The following NRK variants were observed in gnomAD, a reference collection of about 807,000 sequenced individuals.
NRK encodes the protein Nik related kinase.
NRK carries 67 observed loss-of-function variants against 125.2 expected under a neutral mutation model. The observed-to-expected ratio is 0.54, with a 90% CI of 0.44 to 0.66. NRK has a LOEUF of 0.66. Among genes scored for constraint, NRK ranks in the 30% least tolerant of loss-of-function variants. NRK has a pLI of 0.00. For missense variants in NRK, 1,224 were observed against 1,192.9 expected (o/e 1.03, Z -0.38); for synonymous variants, 458 against 429.0 (o/e 1.07, Z -0.84).
intron 23 of NRK, among the ~76,000 whole-genome samples, chrX:105,943,705 C>G (rs2040775671): frequency 8.9e-6 from 1 of 111,803 alleles, no homozygotes; most frequent in South Asian, 3.8e-4. Context: ...TTTCTTTCAT[C>G]AATGTTTTGG....
intron 9 of NRK, among the ~76,000 whole-genome samples, chrX:105,901,832 C>T (rs193218486): frequency 1.7e-4 from 19 of 110,535 alleles, no homozygotes; most frequent in African/African-American, 4.9e-4. Flanking sequence ...AGATTACATA[C>T]GACACATATA....
chrX:105,912,947 A>C (rs2040321015), intron 14 of NRK, among the ~76,000 whole-genome samples, 192 bp downstream of exon 14: 1 of 112,280 alleles, frequency 8.9e-6, no homozygotes, highest in South Asian at 3.6e-4. Context: ...TTAAAATATT[A>C]GTTCATTTAA....
chrX:105,841,278 G>A (rs1465299372), intron 2 of NRK, among the ~76,000 whole-genome samples: 3 of 111,435 alleles, frequency 2.7e-5, no homozygotes, highest in Non-Finnish European at 5.7e-5. Context: ...CAGCTTATCA[G>A]TAAGACTAAA....
intron 2 of NRK, among the ~76,000 whole-genome samples, chrX:105,873,601 G>A (rs1461292994): frequency 9.0e-6 from 1 of 111,717 alleles, no homozygotes; most frequent in African/African-American, 3.3e-5. Context: ...AAAAACAGGT[G>A]CACTCTTGCA....
chrX:105,949,531 GA>G lies in NRK; in HGVS notation c.4354-43del, dbSNP rs1228197466. On this transcript the variant is annotated intron_variant, in intron 26 of 28. Transcript: ENST00000243300. ...AAGCTGCTTCGATTAAAGTAGTAGT[GA>G]TAAAATATTGGACATATAAATCTTT... is the stretch of plus-strand genomic sequence containing the variant. 3.8e-6 allele frequency: 4 copies of G among 1,063,307 alleles called. No individual in the cohort carries two copies. The African/African-American group carries it at 7.4e-5, about 20-fold the overall frequency. The allele number at this position is 1,063,307 out of a possible 1,213,427, so 87.6% of individuals were successfully genotyped here.
At position 105,944,187 on chromosome X, in the gene NRK, T is replaced by C. The variant is rs2040783409; in HGVS notation, c.4059+146T>C. ...ATTTTGTTGTTAGTTTGCTTGCTTG[T>C]TTGTTTGTTTATTTTTTAGATACAG... On this transcript the variant is annotated intron_variant, in intron 24 of 28. Coordinates refer to ENST00000243300, the MANE Select transcript of NRK (RefSeq NM_198465.4). 2.5e-5 allele frequency: 10 copies of C among 398,516 alleles called. No homozygotes were observed. The East Asian group carries it at 4.3e-4, about 17-fold the overall frequency. The allele number at this position is 398,516 out of a possible 1,213,427, so 32.8% of individuals were successfully genotyped here. A position where few individuals can be genotyped will look rare whatever the true frequency, so the allele number is the denominator to read the frequency against.
chrX:105,913,131 A>G (rs1255351566), intron 14 of NRK, among the ~76,000 whole-genome samples: 1 of 111,786 alleles, frequency 8.9e-6, no homozygotes, highest in Non-Finnish European at 1.9e-5. Flanking sequence ...TCTGCATTCA[A>G]TCTGTTGCCA....
chrX:105,891,868 A>C (rs2147723141), intron 5 of NRK, among the ~76,000 whole-genome samples: 1 of 112,014 alleles, frequency 8.9e-6, no homozygotes, highest in South Asian at 3.7e-4. Context: ...ATTCCAGTTG[A>C]GATTTTAGTA....
In NRK at chrX:105,958,311, C is replaced by T. The variant is rs780161380; in HGVS notation, c.*2711C>T. The T allele has an allele frequency of 6.1e-4, 68 of 112,124 alleles. No individual in the cohort carries two copies. Among genetic ancestry groups the T allele is most frequent in the Non-Finnish European group, 1.1e-3 (60 of 53,177 alleles). The allele number at this position is 112,124 out of a possible 1,213,427, so 9.2% of individuals were successfully genotyped here. A position where few individuals can be genotyped will look rare whatever the true frequency, so the allele number is the denominator to read the frequency against. On this transcript the variant is annotated 3_prime_UTR_variant, in exon 29 of 29. Coordinates refer to ENST00000243300, the MANE Select transcript of NRK (RefSeq NM_198465.4). Reference sequence around the variant, plus strand: ...AGAATCACATGTGCACACACACATACACATGTAAACATTGGAATGCATAAG... The same window carrying T: ...AGAATCACATGTGCACACACACATATACATGTAAACATTGGAATGCATAAG...
At chrX:105,893,215 G>A (rs184464377) in intron 5 of NRK, among the ~76,000 whole-genome samples, 2 of 111,779 alleles carry the variant, frequency 1.8e-5, no homozygotes, top group African/African-American at 3.2e-5. Flanking sequence ...GTTTTCCTTA[G>A]TAGCAATCCC....
chrX:105,856,096 A>G (rs1415934780), intron 2 of NRK, among the ~76,000 whole-genome samples: 1 of 111,953 alleles, frequency 8.9e-6, no homozygotes, highest in Non-Finnish European at 1.9e-5. Context: ...TTATGAAAAT[A>G]TATCTAAATA....
intron 2 of NRK, among the ~76,000 whole-genome samples, chrX:105,867,710 T>A (rs1038350541): frequency 8.9e-6 from 1 of 111,989 alleles, no homozygotes; most frequent in African/African-American, 3.2e-5. Flanking sequence ...TAGGATTTAA[T>A]CATGGTTCCA....
chrX:105,849,658 G>A (rs1291876261), intron 2 of NRK, among the ~76,000 whole-genome samples: 1 of 111,488 alleles, frequency 9.0e-6, no homozygotes, highest in Non-Finnish European at 1.9e-5. Context: ...GGGAGAAATT[G>A]GCCAAAACAC....
rs967644613 is a variant in NRK, at chrX:105,886,738, T to C, written c.253-1556T>C. On this transcript the variant is annotated intron_variant, in intron 4 of 28. Transcript: ENST00000243300. Reference sequence around the variant, plus strand: ...TGGTATGCATGTGCCATTGTTGTGATTAATAAAAATAAATTATCGAAAAAA... The same window carrying C: ...TGGTATGCATGTGCCATTGTTGTGACTAATAAAAATAAATTATCGAAAAAA... 2.8e-5 allele frequency among the ~76,000 whole-genome samples: 3 copies of C among 107,146 alleles called. No individual in the cohort carries two copies. In the South Asian group the frequency reaches 1.2e-3, roughly 43 times the overall value. 93.0% of individuals were successfully genotyped at this position (107,146 alleles called of 115,157 possible).
At chrX:105,895,337 T>A in intron 6 of NRK, 96 bp from the exon 7 acceptor site, 1 of 685,133 alleles carries the variant, frequency 1.5e-6, no homozygotes. Flanking sequence ...TATCAAAAGT[T>A]TTTCCAAAAA....
chrX:105,899,961 CT>C (rs1386089263), intron 8 of NRK, among the ~76,000 whole-genome samples: 7 of 110,009 alleles, frequency 6.4e-5, no homozygotes, highest in Admixed American at 2.9e-4. Context: ...GAGTGAGACT[CT>C]GTCTCAAGGA....
intron 2 of NRK, among the ~76,000 whole-genome samples, chrX:105,860,178 CAG>C (rs1447606901): frequency 1.8e-5 from 2 of 111,374 alleles, no homozygotes; most frequent in African/African-American, 6.5e-5. Context: ...CTTATAGTCA[CAG>C]AGTTAGCTAA....
chrX:105,948,104 G>A (rs902762172), intron 26 of NRK, among the ~76,000 whole-genome samples: 1 of 110,896 alleles, frequency 9.0e-6, no homozygotes, highest in Non-Finnish European at 1.9e-5. Context: ...GCGTCAGATA[G>A]CTTTTATTAA....
At chrX:105,947,250 C>T (rs1024948840) in intron 26 of NRK, among the ~76,000 whole-genome samples, 2 of 56,264 alleles carry the variant, frequency 3.6e-5, no homozygotes, top group Admixed American at 1.5e-4. Context: ...GAGACCATCC[C>T]GGCTAAAACG....
Sources: allele counts gnomAD v4.1 joint callset (sites outside exome capture counted in the v4.1 genomes callset), GRCh38; gene constraint gnomAD v4.1.1; transcripts MANE v1.5; gene names NCBI Gene and HGNC (gene_info 2026-07-23, HGNC 2026-07-21).